The following MACF1 variants were observed in gnomAD, a reference collection of about 807,000 sequenced individuals.
MACF1 encodes microtubule-actin cross-linking factor 1.
MACF1 carries 193 observed loss-of-function variants against 854.8 expected under a neutral mutation model. The observed-to-expected ratio is 0.23, with a 90% CI of 0.20 to 0.25. The LOEUF is 0.25. MACF1 is among the 10% of genes least tolerant of loss of function. MACF1 has a pLI of 1.00. For synonymous variants in MACF1, 3,185 were observed against 3,226.7 expected (o/e 0.99, Z 0.44); for missense variants, 7,722 against 8,929.1 (o/e 0.86, Z 5.45).
At chr1:39,149,074 A>G (rs1315098909) in intron 2 of MACF1, among the ~76,000 whole-genome samples, 3 of 152,242 alleles carry the variant, frequency 2.0e-5, no homozygotes, top group Non-Finnish European at 4.4e-5. Flanking sequence ...CTAACAATCC[A>G]GGTCAGAGGT....
chr1:39,340,783 GA>G lies in MACF1; in HGVS notation c.10432-20del, dbSNP rs774643126. On this transcript the variant is annotated intron_variant, in intron 39 of 100. Coordinates refer to ENST00000564288, the MANE Select transcript of MACF1 (RefSeq NM_001394062.1). ...GGTGGCTGGGAGATTTTCATAATGT[GA>G]TTTTCCATTTATTTCTTAGACTAAA... 1.9e-6 allele frequency: 3 copies of G among 1,611,934 alleles called. No homozygotes were observed.
At chr1:39,362,010 T>C (rs538928191) in intron 49 of MACF1, among the ~76,000 whole-genome samples, 1 of 152,348 alleles carries the variant, frequency 6.6e-6, no homozygotes, top group East Asian at 1.9e-4. Flanking sequence ...GGGCATATTA[T>C]ATTTATTTAC....
At chr1:39,345,865 C>T (rs193019491) in intron 40 of MACF1, among the ~76,000 whole-genome samples, 58 of 151,358 alleles carry the variant, frequency 3.8e-4, no homozygotes, top group Non-Finnish European at 5.3e-4. Context: ...GCCGGGAGTT[C>T]GAGACAAGCC....
At chr1:39,444,192 G>A (rs569642691) in intron 79 of MACF1, among the ~76,000 whole-genome samples, 10 of 152,020 alleles carry the variant, frequency 6.6e-5, no homozygotes, top group African/African-American at 1.5e-4. Flanking sequence ...AAAATTAGCC[G>A]GGCGTGGTGG....
At chr1:39,369,305 G>GACT (rs1228607090) in intron 50 of MACF1, among the ~76,000 whole-genome samples, 1 of 152,170 alleles carries the variant, frequency 6.6e-6, no homozygotes, top group Non-Finnish European at 1.5e-5. Flanking sequence ...GCATGAACAA[G>GACT]ACTTCTTATC....
chr1:39,243,116 T>C (rs1644944168), intron 2 of MACF1, among the ~76,000 whole-genome samples: 2 of 152,206 alleles, frequency 1.3e-5, no homozygotes, highest in African/African-American at 4.8e-5. Flanking sequence ...TTATCTGTCT[T>C]TTATAATATA....
chr1:39,415,608 G>A (rs970360449), intron 58 of MACF1, among the ~76,000 whole-genome samples: 7 of 149,844 alleles, frequency 4.7e-5, no homozygotes, highest in African/African-American at 1.5e-4. Context: ...TGATCTGCCC[G>A]CCTCGGCCTC....
chr1:39,454,598 C>G (rs1273689900), intron 88 of MACF1, among the ~76,000 whole-genome samples: 1 of 151,996 alleles, frequency 6.6e-6, no homozygotes, highest in Non-Finnish European at 1.5e-5. Flanking sequence ...CTCAGGAGTT[C>G]AAGACAAGCC....
chr1:39,361,191 T>A (rs576403347), intron 48 of MACF1, among the ~76,000 whole-genome samples, 169 bp from the exon 49 acceptor site: 1 of 152,216 alleles, frequency 6.6e-6, no homozygotes, highest in Admixed American at 6.5e-5. Flanking sequence ...GATAGCAAAG[T>A]CATGTGGTAG....
intron 2 of MACF1, among the ~76,000 whole-genome samples, chr1:39,131,644 T>C (rs1310765146): frequency 6.6e-6 from 1 of 152,218 alleles, no homozygotes; most frequent in East Asian, 1.9e-4. Flanking sequence ...TATGTTGCAT[T>C]GAATAGTGGA....
rs775878139 is a variant in MACF1 at position 39,335,796 on chromosome 1, A to T, written c.9208A>T (p.Asn3070Tyr). Residue 3070 changes from asparagine to tyrosine, a missense_variant, in exon 37 of 101, where the codon AAT (asparagine) becomes TAT (tyrosine). Physicochemically the swap from Asn to Tyr is moderately radical, Grantham distance 143. Transcript: ENST00000564288. ...AACACTCTTCAGCTCTAAACAGGCCAATGAAGGAAAAGTAAACAATTTAAG... is the reference window on the plus strand; with the variant it reads ...AACACTCTTCAGCTCTAAACAGGCCTATGAAGGAAAAGTAAACAATTTAAG... Reference protein sequence around the residue: ...ALTLFSSKQANEGKVNNLSLC... With the variant: ...ALTLFSSKQAYEGKVNNLSLC... 3.1e-6 allele frequency: 5 copies of T among 1,614,216 alleles called. No homozygotes were observed. The Admixed American group carries it at 8.3e-5, about 27-fold the overall frequency.
intron 35 of MACF1, among the ~76,000 whole-genome samples, chr1:39,326,049 C>T (rs559296642): frequency 6.6e-6 from 1 of 151,830 alleles, no homozygotes; most frequent in Non-Finnish European, 1.5e-5. Flanking sequence ...ATCAGGTTAG[C>T]GAGTGGAGAG....
chr1:39,337,338 T>C lies in MACF1; in HGVS notation c.10215+7T>C. 6.2e-7 allele frequency: 1 copy of C among 1,612,362 alleles called. No individual in the cohort carries two copies. Among genetic ancestry groups the C allele is most frequent in the Non-Finnish European group, 8.5e-7 (1 of 1,179,380 alleles). Reference sequence around the variant, plus strand: ...TCTGCTGTGTCAGGCCAAGGTAGGTTCCCAGAGACTTCCACCACAGACACC... The same window carrying C: ...TCTGCTGTGTCAGGCCAAGGTAGGTCCCCAGAGACTTCCACCACAGACACC... On this transcript the variant is annotated splice_region_variant and intron_variant, in intron 38 of 100. Transcript: ENST00000564288.
chr1:39,149,354 C>T (rs572015000), intron 2 of MACF1, among the ~76,000 whole-genome samples: 2 of 152,118 alleles, frequency 1.3e-5, no homozygotes, highest in South Asian at 2.1e-4. Context: ...GAAACCCCGT[C>T]TCTACTAAAA....
rs1257390326 is a variant in MACF1, at chr1:39,372,065, C to T, written c.13096-414C>T. On this transcript the variant is annotated intron_variant, in intron 51 of 100. Coordinates refer to ENST00000564288, the MANE Select transcript of MACF1 (RefSeq NM_001394062.1). The stretch of plus-strand genomic sequence containing the variant: ...TACTCCTGACCTCAAGTGATCTGCC[C>T]GCCTCAGCCTCCCAAAGTGCTGGGA... 3.3e-5 allele frequency among the ~76,000 whole-genome samples: 5 copies of T among 152,026 alleles called. No homozygotes were observed. The East Asian group carries it at 7.7e-4, about 23-fold the overall frequency.
At chr1:39,309,541 G>T in intron 23 of MACF1, 29 bp from the exon 24 acceptor site, 1 of 1,613,084 alleles carries the variant, frequency 6.2e-7, no homozygotes, top group Non-Finnish European at 8.5e-7. Flanking sequence ...TCTTACAAAG[G>T]TAATAGTCAG....
intron 97 of MACF1, among the ~76,000 whole-genome samples, chr1:39,476,054 A>T (rs1644875860): frequency 6.6e-6 from 1 of 152,220 alleles, no homozygotes; most frequent in Non-Finnish European, 1.5e-5. Context: ...GTTTTTACCT[A>T]ACAAATTGTC....
At chr1:39,168,625 G>A (rs371623793) in intron 2 of MACF1, among the ~76,000 whole-genome samples, 1 of 152,128 alleles carries the variant, frequency 6.6e-6, no homozygotes. Context: ...GAGCCACTGC[G>A]CCTGGCTCAA....
intron 2 of MACF1, among the ~76,000 whole-genome samples, chr1:39,237,185 G>C (rs1172857035): frequency 6.6e-6 from 1 of 152,142 alleles, no homozygotes; most frequent in African/African-American, 2.4e-5. Context: ...TCTCTCCCTA[G>C]AATGCACGTC....
Sources: gnomAD v4.1 joint callset for allele counts (sites outside exome capture counted in the v4.1 genomes callset) on GRCh38, gnomAD v4.1.1 for gene constraint, MANE v1.5 for transcripts, NCBI Gene and HGNC (gene_info 2026-07-23, HGNC 2026-07-21) for gene names.